MEIS2: variants seen among roughly 807,000 people sequenced by gnomAD.
MEIS2 encodes the protein homeobox protein Meis2.
Under a neutral mutation model 58.6 loss-of-function variants are expected in MEIS2, and 9 were observed. The observed-to-expected ratio is 0.15, with a 90% CI of 0.09 to 0.27. MEIS2 has a LOEUF of 0.27. MEIS2 is among the 10% of genes least tolerant of loss of function. The pLI, the probability that MEIS2 is intolerant of heterozygous loss-of-function variation, is 1.00. For synonymous variants in MEIS2, 221 were observed against 228.4 expected (o/e 0.97, Z 0.29); for missense variants, 427 against 635.0 (o/e 0.67, Z 3.52).
chr15:36,906,039 G>A lies in MEIS2; in HGVS notation c.978-9353C>T, dbSNP rs577779382. 2.0e-5 allele frequency among the ~76,000 whole-genome samples: 3 copies of A among 152,264 alleles called. No homozygotes were observed. The South Asian group carries it at 6.2e-4, about 32-fold the overall frequency. ...ATTAAAAGAACGTGGAATGTTGGAA[G>A]AAGAGAAAACAAGGAAATGGCATGC... On this transcript the variant is annotated intron_variant, in intron 9 of 11. Coordinates refer to ENST00000561208, the MANE Select transcript of MEIS2 (RefSeq NM_170675.5).
At chr15:37,065,146 ATAATG>A (rs1397179727) in intron 7 of MEIS2, among the ~76,000 whole-genome samples, 2 of 152,224 alleles carry the variant, frequency 1.3e-5, no homozygotes, top group African/African-American at 4.8e-5. Flanking sequence ...TCAAAAGTGC[ATAATG>A]TAAATTCTGG....
Position 37,095,742 on chromosome 15 carries a change from G to A in MEIS2, c.388-128C>T. 2.3e-6 allele frequency: 3 copies of A among 1,333,026 alleles called. 1 individual carries two copies. In the South Asian group the frequency reaches 3.8e-5, roughly 17 times the overall value. 82.6% of individuals were successfully genotyped at this position (1,333,026 alleles called of 1,614,324 possible). ...AGGGGCTTTGGCAAAATACAAGAAA[G>A]AAACTGGTGCCTTAAATTAGTGGAG... On this transcript the variant is annotated intron_variant, in intron 3 of 11. Coordinates refer to ENST00000561208, the MANE Select transcript of MEIS2 (RefSeq NM_170675.5).
At chr15:36,957,355 C>T (rs150725534) in intron 8 of MEIS2, among the ~76,000 whole-genome samples, 11 of 152,228 alleles carry the variant, frequency 7.2e-5, no homozygotes, top group South Asian at 2.1e-4. Flanking sequence ...AAAAATAATA[C>T]AAAAACTATT....
At chr15:37,002,078 A>T (rs2060748263) in intron 8 of MEIS2, among the ~76,000 whole-genome samples, 1 of 152,184 alleles carries the variant, frequency 6.6e-6, no homozygotes, top group Non-Finnish European at 1.5e-5. Context: ...TCAAAAACTC[A>T]TTCTCCACCC....
intron 9 of MEIS2, among the ~76,000 whole-genome samples, chr15:36,912,824 C>T (rs764270278): frequency 1.1e-4 from 16 of 144,556 alleles, no homozygotes; most frequent in South Asian, 4.4e-4. Context: ...ACTCACCCCC[C>T]ACTCCTGAAA....
At chr15:37,002,589 G>A (rs946299448) in intron 8 of MEIS2, among the ~76,000 whole-genome samples, 34 of 151,986 alleles carry the variant, frequency 2.2e-4, no homozygotes, top group African/African-American at 2.9e-4. Flanking sequence ...ATGAATATAC[G>A]GTCAGGCAAC....
chr15:36,923,784 G>C (rs1198451217), intron 9 of MEIS2, among the ~76,000 whole-genome samples: 3 of 152,142 alleles, frequency 2.0e-5, no homozygotes, highest in Non-Finnish European at 4.4e-5. Flanking sequence ...CTCTCCTTTT[G>C]TTCACCTTGA....
chr15:37,082,942 A>G (rs772971211), intron 7 of MEIS2, among the ~76,000 whole-genome samples: 1 of 152,172 alleles, frequency 6.6e-6, no homozygotes, highest in Non-Finnish European at 1.5e-5. Context: ...CAGTCATAAT[A>G]GAGATGAAAT....
chr15:36,897,459 TTCATC>T (rs1278448882), intron 9 of MEIS2: 4 of 152,222 alleles, frequency 2.6e-5, no homozygotes, highest in African/African-American at 7.2e-5. Flanking sequence ...AAGCAGTTAT[TTCATC>T]TAAGAAGCCT....
At chr15:37,058,006 G>A (rs1888675151) in intron 7 of MEIS2, among the ~76,000 whole-genome samples, 1 of 152,098 alleles carries the variant, frequency 6.6e-6, no homozygotes, top group African/African-American at 2.4e-5. Context: ...CATGTACCGG[G>A]GATCAATGTT....
chr15:36,995,736 G>A (rs58334261), intron 8 of MEIS2, among the ~76,000 whole-genome samples: 12,079 of 28,980 alleles, frequency 0.42, 3,532 homozygotes, highest in Non-Finnish European at 0.51. Context: ...AAAAAACAAA[G>A]AAAAGAAAAG....
chr15:37,096,239 G>C (rs1465893938), intron 3 of MEIS2, 50 bp downstream of exon 3: 1 of 1,515,884 alleles, frequency 6.6e-7, no homozygotes. Flanking sequence ...GAGGAAAGGG[G>C]AGGGGTAGTG....
intron 9 of MEIS2, among the ~76,000 whole-genome samples, chr15:36,921,400 C>G (rs547291653): frequency 6.6e-6 from 1 of 152,322 alleles, no homozygotes; most frequent in East Asian, 1.9e-4. Context: ...ATTAACTATA[C>G]TCAGACTCAG....
intron 8 of MEIS2, among the ~76,000 whole-genome samples, chr15:36,992,162 G>A (rs1036929801): frequency 6.6e-6 from 1 of 151,974 alleles, no homozygotes; most frequent in African/African-American, 2.4e-5. Flanking sequence ...AGTTTTACCA[G>A]AGGCTCCTTA....
intron 7 of MEIS2, among the ~76,000 whole-genome samples, chr15:37,049,190 C>T (rs2062803385): frequency 6.6e-6 from 1 of 152,124 alleles, no homozygotes; most frequent in Admixed American, 6.5e-5. Context: ...TACTGTGTGG[C>T]TGCTTAATAA....
At chr15:36,920,212 C>G (rs998372978) in intron 9 of MEIS2, among the ~76,000 whole-genome samples, 6 of 152,022 alleles carry the variant, frequency 3.9e-5, no homozygotes, top group Admixed American at 6.6e-5. Flanking sequence ...TACAATGGCT[C>G]AATCTTGGCT....
At chr15:36,974,587 C>T (rs1017341852) in intron 8 of MEIS2, among the ~76,000 whole-genome samples, 4 of 152,192 alleles carry the variant, frequency 2.6e-5, no homozygotes, top group African/African-American at 9.6e-5. Flanking sequence ...CCTTACAGGG[C>T]TGCCCCTCAG....
At chr15:37,086,695 C>A (rs527778174) in intron 6 of MEIS2, among the ~76,000 whole-genome samples, 1 of 152,084 alleles carries the variant, frequency 6.6e-6, no homozygotes, top group African/African-American at 2.4e-5. Context: ...GACTATCACA[C>A]GATAGTCATC....
chr15:37,075,775 G>C (rs1463701365), intron 7 of MEIS2, among the ~76,000 whole-genome samples: 1 of 151,940 alleles, frequency 6.6e-6, no homozygotes, highest in African/African-American at 2.4e-5. Context: ...AGGAGCCACG[G>C]CCTCATACCT....
Sources: allele counts gnomAD v4.1 joint callset (sites outside exome capture counted in the v4.1 genomes callset), GRCh38; gene constraint gnomAD v4.1.1; transcripts MANE v1.5; gene names NCBI Gene and HGNC (gene_info 2026-07-23, HGNC 2026-07-21).